Variants in CLCA1 observed in about 807,000 individuals in gnomAD.
The protein encoded by CLCA1 is chloride channel accessory 1.
Under a neutral mutation model 85.6 loss-of-function variants are expected in CLCA1, and 59 were observed. The ratio of observed to expected loss-of-function variants is 0.69; its 90% CI spans 0.56 to 0.86. The LOEUF is 0.86. Among genes scored for constraint, CLCA1 ranks in the 40% least tolerant of loss-of-function variants. The pLI is 0.00. For missense variants in CLCA1, 1,022 were observed against 1,101.4 expected (o/e 0.93, Z 1.02); for synonymous variants, 396 against 398.3 (o/e 0.99, Z 0.07).
chr1:86,486,820 T>C (rs1296485621), intron 7 of CLCA1, 67 bp downstream of exon 7: 2 of 1,395,022 alleles, frequency 1.4e-6, no homozygotes, highest in African/African-American at 2.8e-5. Context: ...AACTTCCATT[T>C]CCAGTGTTTC....
intron 9 of CLCA1, among the ~76,000 whole-genome samples, chr1:86,491,673 T>A (rs965054600): frequency 1.3e-5 from 2 of 152,234 alleles, no homozygotes; most frequent in East Asian, 3.8e-4. Context: ...TAGAGCAATA[T>A]AATTGGCTCA....
At chr1:86,498,500 A>G (rs1005360964) in intron 12 of CLCA1, 72 bp from the exon 13 acceptor site, 38 of 1,488,632 alleles carry the variant, frequency 2.6e-5, no homozygotes, top group Non-Finnish European at 3.2e-5. Context: ...GGGTGATCTG[A>G]TAAGAAAACA....
chr1:86,469,164 T>A (rs775177648), intron 1 of CLCA1, 31 bp downstream of exon 1: 43 of 1,513,272 alleles, frequency 2.8e-5, no homozygotes, highest in African/African-American at 9.7e-5. Flanking sequence ...CATACTTTTT[T>A]AAAAATAGCA....
In CLCA1 at chr1:86,494,435, G is replaced by T; in HGVS notation, c.1929G>T (p.Leu643=). ...GAAAAACAGTTACCTTGGAACTACT[G>T]GATAATGGAGCAGGTAATCACCCAA... is the stretch of plus-strand genomic sequence containing the variant. ...VNGKTVTLEL[L]DNGAGADATK... The change falls in exon 11 of 14, where the codon CTG becomes CTT. Residue 643 remains leucine (L), a synonymous_variant. Transcript: ENST00000394711. 1 of 1,613,978 alleles carries T rather than the reference G, an allele frequency of 6.2e-7. No individual in the cohort carries two copies. Among genetic ancestry groups the T allele is most frequent in the Non-Finnish European group, 8.5e-7 (1 of 1,179,854 alleles).
intron 5 of CLCA1, 107 bp from the exon 6 acceptor site, chr1:86,485,236 C>A: frequency 1.3e-6 from 1 of 796,740 alleles, no homozygotes; most frequent in South Asian, 1.7e-5. Flanking sequence ...AGTGATTGTG[C>A]AATTGAGCCA....
chr1:86,473,408 T>G lies in CLCA1; in HGVS notation c.163-9T>G. 1 of 1,525,218 alleles carries G rather than the reference T, an allele frequency of 6.6e-7. No individual in the cohort carries two copies. Among genetic ancestry groups the G allele is most frequent in the South Asian group, 1.2e-5 (1 of 80,054 alleles). The allele number at this position is 1,525,218 out of a possible 1,614,324, so 94.5% of individuals were successfully genotyped here. ...TCAATTGTTACGTATGTTTTCTTTT[T>G]CTTCCCAGGACATGGTGACCCAGGC... On this transcript the variant is annotated splice_polypyrimidine_tract_variant and intron_variant, in intron 1 of 13. Coordinates refer to ENST00000394711, the MANE Select transcript of CLCA1 (RefSeq NM_001285.4).
intron 3 of CLCA1, among the ~76,000 whole-genome samples, chr1:86,475,662 AGAG>A (rs1414885681): frequency 6.6e-6 from 1 of 152,216 alleles, no homozygotes; most frequent in Non-Finnish European, 1.5e-5. Context: ...AAGAAGAATA[AGAG>A]TTATCCAGAC....
At chr1:86,497,980 T>C (rs984254806) in intron 12 of CLCA1, among the ~76,000 whole-genome samples, 39 of 151,916 alleles carry the variant, frequency 2.6e-4, no homozygotes, top group African/African-American at 9.2e-4. Flanking sequence ...CCATGTCTAC[T>C]AAAAATACAA....
At chr1:86,486,309 GT>G (rs1647968681) in intron 6 of CLCA1, among the ~76,000 whole-genome samples, 1 of 152,132 alleles carries the variant, frequency 6.6e-6, no homozygotes, top group African/African-American at 2.4e-5. Flanking sequence ...TATGTAATCT[GT>G]TTTTATCTTT....
chr1:86,481,684 A>G (rs1410336923), intron 4 of CLCA1, among the ~76,000 whole-genome samples: 1 of 152,196 alleles, frequency 6.6e-6, no homozygotes, highest in African/African-American at 2.4e-5. Context: ...AAAAAATACA[A>G]TTAAACAATA....
intron 8 of CLCA1, 42 bp downstream of exon 8, chr1:86,489,212 A>C (rs373524560): frequency 6.3e-7 from 1 of 1,576,702 alleles, no homozygotes; most frequent in South Asian, 1.1e-5. Flanking sequence ...TGTCTCTCCT[A>C]CTGGACTGTG....
rs1267362210 is a variant in CLCA1 at position 86,489,136 on chromosome 1, A to C, written c.1323A>C (p.Ala441=). ...ACACAGTCGCTTTGGGGCCCTCTGC[A>C]GCTCAAGAACTAGAGGAGCTGTCCA... ...IIHTVALGPS[A]AQELEELSKM... The change falls in exon 8 of 14, where the codon GCA becomes GCC. Residue 441 remains alanine, a synonymous_variant. Transcript: ENST00000394711. 1 of 1,613,974 alleles carries C rather than the reference A, an allele frequency of 6.2e-7. No homozygotes were observed. The highest frequency in any genetic ancestry group is 1.3e-5 in the African/African-American group (1 of 74,914).
rs139168398 is a variant in CLCA1 at position 86,469,079 on chromosome 1, C to T, written c.108C>T (p.Val36=). ...QLNNNGYEGI[V]VAIDPNVPED... ...ACAACAATGGCTATGAAGGCATTGT[C>T]GTTGCAATCGACCCCAATGTGCCAG... The change falls in exon 1 of 14, where the codon GTC becomes GTT. Residue 36 remains valine, a synonymous_variant. Transcript: ENST00000394711. 132 of 1,611,710 alleles carry T rather than the reference C, an allele frequency of 8.2e-5. 2 individuals carry two copies. In the South Asian group the frequency reaches 9.3e-4, roughly 11 times the overall value.
chr1:86,490,600 G>A (rs1269288068), intron 8 of CLCA1, among the ~76,000 whole-genome samples: 1 of 152,174 alleles, frequency 6.6e-6, no homozygotes, highest in East Asian at 1.9e-4. Flanking sequence ...CCTGGAGTAC[G>A]GCTTAATGAC....
chr1:86,496,042 A>C (rs1648273191), intron 12 of CLCA1, among the ~76,000 whole-genome samples: 1 of 152,158 alleles, frequency 6.6e-6, no homozygotes, highest in Non-Finnish European at 1.5e-5. Flanking sequence ...TATCAAATAC[A>C]GTATTTTGTG....
chr1:86,489,205 C>G lies in CLCA1; in HGVS notation c.1357+35C>G, dbSNP rs138041435. ...GATTTGCTGAGACCCCCGGTATTGT[C>G]TCTCCTACTGGACTGTGAGCTCCAG... On this transcript the variant is annotated intron_variant, in intron 8 of 13. Coordinates refer to ENST00000394711, the MANE Select transcript of CLCA1 (RefSeq NM_001285.4). 3 of 1,591,086 alleles carry G rather than the reference C, an allele frequency of 1.9e-6. No homozygotes were observed. The African/African-American group carries it at 4.0e-5, about 21-fold the overall frequency.
At chr1:86,484,083 C>T (rs1419472460) in intron 5 of CLCA1, among the ~76,000 whole-genome samples, 2 of 152,092 alleles carry the variant, frequency 1.3e-5, no homozygotes, top group East Asian at 1.9e-4. Flanking sequence ...GAAACCATCT[C>T]GATGATCCAA....
chr1:86,473,556 A>G lies in CLCA1; in HGVS notation c.302A>G (p.Asn101Ser). The G allele has an allele frequency of 6.3e-7, 1 of 1,580,360 alleles. No individual in the cohort carries two copies. The highest frequency in any genetic ancestry group is 2.3e-5 in the East Asian group (1 of 44,332). Residue 101 changes from asparagine to serine, a missense_variant and splice_region_variant, in exon 2 of 14, where the codon AAT becomes AGT. Asn to Ser is a conservative substitution (Grantham distance 46). Coordinates refer to ENST00000394711, the MANE Select transcript of CLCA1 (RefSeq NM_001285.4). ...YVRPKLETYK[N>S]ADVLVAESTP... ...AGACCAAAACTTGAGACCTACAAAA[A>G]TGTGAGAATATCAAGTTCTTCTTTA...
At chr1:86,471,047 C>T (rs1375241166) in intron 1 of CLCA1, among the ~76,000 whole-genome samples, 1 of 152,146 alleles carries the variant, frequency 6.6e-6, no homozygotes, top group Non-Finnish European at 1.5e-5. Context: ...GAGAGAAACT[C>T]TCTCTTCCCC....
Sources: gnomAD v4.1 joint callset for allele counts (sites outside exome capture counted in the v4.1 genomes callset) on GRCh38, gnomAD v4.1.1 for gene constraint, MANE v1.5 for transcripts, NCBI Gene and HGNC (gene_info 2026-07-23, HGNC 2026-07-21) for gene names.